The following ANKRD45 variants were observed in gnomAD, a reference collection of about 807,000 sequenced individuals.
ANKRD45 encodes the protein ankyrin repeat domain-containing protein 45.
In ANKRD45, 21 loss-of-function variants were observed where a neutral mutation model predicts 28.1. The observed-to-expected ratio is 0.75, with a 90% CI of 0.53 to 1.08. The LOEUF (loss-of-function observed/expected upper bound fraction) is 1.08. ANKRD45 is among the 50% of genes least tolerant of loss of function. The probability of loss-of-function intolerance (pLI) is 0.00; values close to 1 mark genes in which losing one functional copy is unlikely to be tolerated. For missense variants in ANKRD45, 261 were observed against 308.7 expected, an observed-to-expected ratio of 0.85 and a Z score of 1.16; for synonymous variants, 86 against 103.9, an observed-to-expected ratio of 0.83 and a Z score of 1.05.
chr1:173,700,317 A>G, the ANKRD45 span, among the ~76,000 whole-genome samples: 1 of 152,202 alleles, frequency 6.6e-6, no homozygotes, highest in Non-Finnish European at 1.5e-5. Context: ...ATTGGAAAAA[A>G]CTACTTTAAA....
At chr1:173,695,463 T>C in the ANKRD45 span, among the ~76,000 whole-genome samples, 2 of 152,186 alleles carry the variant, frequency 1.3e-5, no homozygotes, top group Non-Finnish European at 2.9e-5. Context: ...TATTTGGTTT[T>C]CTGTTCCTGT....
chr1:173,658,789 A>G (rs776042666), intron 2 of ANKRD45: 87 of 221,810 alleles, frequency 3.9e-4, no homozygotes, highest in Non-Finnish European at 5.8e-4. Context: ...ATTATACCCT[A>G]TAAGGAAAAT....
chr1:173,641,346 T>C (rs985591349), intron 3 of ANKRD45, among the ~76,000 whole-genome samples: 2 of 152,180 alleles, frequency 1.3e-5, no homozygotes, highest in Non-Finnish European at 2.9e-5. Flanking sequence ...GTGGCTCTCT[T>C]CCAGAATCCC....
chr1:173,615,783 A>C (rs1470940168), intron 5 of ANKRD45, among the ~76,000 whole-genome samples: 1 of 152,194 alleles, frequency 6.6e-6, no homozygotes, highest in Non-Finnish European at 1.5e-5. Context: ...AAAGAGTGGA[A>C]ACCCAAATGT....
chr1:173,701,173 A>G, the ANKRD45 span, among the ~76,000 whole-genome samples: 1 of 152,204 alleles, frequency 6.6e-6, no homozygotes, highest in Non-Finnish European at 1.5e-5. Context: ...GAAACAACAG[A>G]TGCTGGAGAG....
At chr1:173,630,334 T>C (rs7518601) in intron 3 of ANKRD45, among the ~76,000 whole-genome samples, 25,812 of 152,114 alleles carry the variant, frequency 0.17, 7,298 homozygotes, top group African/African-American at 0.59. Flanking sequence ...AAAAGATTAA[T>C]CTATCAAACA....
At chr1:173,639,440 C>T (rs768782569) in intron 3 of ANKRD45, among the ~76,000 whole-genome samples, 6 of 152,034 alleles carry the variant, frequency 3.9e-5, no homozygotes, top group Non-Finnish European at 8.8e-5. Flanking sequence ...TTCTCTTCCA[C>T]TAAAAAAGGA....
At chr1:173,611,356 A>G (rs1415001444) in intron 5 of ANKRD45, among the ~76,000 whole-genome samples, 5 of 152,204 alleles carry the variant, frequency 3.3e-5, no homozygotes, top group African/African-American at 9.7e-5. Context: ...ACTAAGTGGT[A>G]GGCTCCTAGG....
chr1:173,680,379 G>A, the ANKRD45 span, among the ~76,000 whole-genome samples: 2 of 152,102 alleles, frequency 1.3e-5, no homozygotes, highest in African/African-American at 4.8e-5. Context: ...ATGAGTCCAC[G>A]TCCTTGGCAG....
chr1:173,643,748 T>A (rs541143095), intron 3 of ANKRD45, among the ~76,000 whole-genome samples: 2 of 151,710 alleles, frequency 1.3e-5, no homozygotes, highest in East Asian at 1.9e-4. Context: ...TCTTGAAAAA[T>A]CCCAGAAAAA....
intron 1 of ANKRD45, among the ~76,000 whole-genome samples, chr1:173,665,290 C>T (rs945696006): frequency 7.2e-5 from 11 of 152,186 alleles, no homozygotes; most frequent in African/African-American, 2.7e-4. Flanking sequence ...ATCCTCCTGC[C>T]TCCACCTCCC....
chr1:173,650,838 G>T (rs1186205304), intron 2 of ANKRD45, among the ~76,000 whole-genome samples: 1 of 152,182 alleles, frequency 6.6e-6, no homozygotes, highest in Non-Finnish European at 1.5e-5. Context: ...GCATTTCTCT[G>T]ATGACCAACA....
chr1:173,705,911 A>G, the ANKRD45 span, among the ~76,000 whole-genome samples: 3 of 152,126 alleles, frequency 2.0e-5, no homozygotes, highest in African/African-American at 7.2e-5. Flanking sequence ...ATATACACTC[A>G]CACTATATTT....
rs565093775 is a variant in ANKRD45, at chr1:173,640,313, A to G, written c.496+6533T>C. 1.4e-4 allele frequency among the ~76,000 whole-genome samples: 22 copies of G among 152,092 alleles called. No individual in the cohort carries two copies. The South Asian group carries it at 4.6e-3, about 32-fold the overall frequency. On this transcript the variant is annotated intron_variant, in intron 3 of 5. Coordinates refer to ENST00000333279, the MANE Select transcript of ANKRD45 (RefSeq NM_198493.3). ...ATTTCCAGCACACCAGCACCAACCCAGGGACCACCTTCTCATCAAAGGGTG... is the reference window on the plus strand; with the variant it reads ...ATTTCCAGCACACCAGCACCAACCCGGGGACCACCTTCTCATCAAAGGGTG...
chr1:173,692,072 G>T, the ANKRD45 span, among the ~76,000 whole-genome samples: 1 of 152,110 alleles, frequency 6.6e-6, no homozygotes, highest in African/African-American at 2.4e-5. Flanking sequence ...AATGAGTTAG[G>T]GTGGAGCAGA....
intron 3 of ANKRD45, among the ~76,000 whole-genome samples, chr1:173,643,634 T>C (rs1668799483): frequency 6.6e-6 from 1 of 152,276 alleles, no homozygotes; most frequent in South Asian, 2.1e-4. Context: ...TTTCAGACTT[T>C]TGTTGACAAG....
chr1:173,610,836 T>C (rs937034121), intron 5 of ANKRD45, among the ~76,000 whole-genome samples: 4 of 151,994 alleles, frequency 2.6e-5, no homozygotes, highest in Admixed American at 6.6e-5. Flanking sequence ...TATCACAAAA[T>C]CTTAAAAAAT....
intron 3 of ANKRD45, 65 bp downstream of exon 3, chr1:173,646,781 T>C: frequency 6.6e-7 from 1 of 1,514,136 alleles, no homozygotes; most frequent in Admixed American, 1.8e-5. Context: ...TGACATATCC[T>C]GTAACTCATA....
At position 173,610,200 on chromosome 1, in the gene ANKRD45, G is replaced by A. The variant is rs1023897571; in HGVS notation, c.746C>T (p.Ala249Val). The A allele has an allele frequency of 6.2e-7, 1 of 1,613,914 alleles. No individual in the cohort carries two copies. Among genetic ancestry groups the A allele is most frequent in the African/African-American group, 1.3e-5 (1 of 74,908 alleles). Reference sequence around the variant, plus strand: ...CTGGTCATGGCTTGTTACAGATTTGGCACTTTTCACTTGACCTGAAAGGAA... The same window carrying A: ...CTGGTCATGGCTTGTTACAGATTTGACACTTTTCACTTGACCTGAAAGGAA... Reference protein sequence around the residue: ...KMTTPCQVKSAKSVTSHDQKR... With the variant: ...KMTTPCQVKSVKSVTSHDQKR... Residue 249 changes from alanine to valine, a missense_variant, in exon 6 of 6, where the codon GCC becomes GTC. Physicochemically the swap from Ala to Val is moderately conservative, Grantham distance 64. Coordinates refer to ENST00000333279, the MANE Select transcript of ANKRD45 (RefSeq NM_198493.3).
Sources: allele counts gnomAD v4.1 joint callset (sites outside exome capture counted in the v4.1 genomes callset), GRCh38; gene constraint gnomAD v4.1.1; transcripts MANE v1.5; gene names NCBI Gene and HGNC (gene_info 2026-07-23, HGNC 2026-07-21).